FLNC: variants seen among roughly 807,000 people sequenced by gnomAD.
FLNC encodes filamin C, also known as filamin-C.
In FLNC, 91 loss-of-function variants were observed where a neutral mutation model predicts 254.3. The observed-to-expected ratio is 0.36, with a 90% CI of 0.30 to 0.43. The LOEUF (loss-of-function observed/expected upper bound fraction) is 0.43, where lower values mean the gene tolerates loss of function less well. Ranked by LOEUF, FLNC falls within the 20% of genes least tolerant of loss-of-function variation. The probability of loss-of-function intolerance (pLI) is 1.00; values close to 1 mark genes in which losing one functional copy is unlikely to be tolerated. For synonymous variants in FLNC, 1,430 were observed against 1,577.2 expected, an observed-to-expected ratio of 0.91 and a Z score of 2.21; for missense variants, 2,853 against 3,802.6, an observed-to-expected ratio of 0.75 and a Z score of 6.57.
intron 22 of FLNC, 44 bp from the exon 23 acceptor site, chr7:128,846,257 G>A: frequency 1.9e-6 from 3 of 1,612,856 alleles, no homozygotes; most frequent in South Asian, 2.2e-5. Context: ...AGGGGTGGTG[G>A]GGGCGCACAC....
chr7:128,840,209 G>A (rs745556227), intron 9 of FLNC, 49 bp downstream of exon 9: 10 of 1,605,772 alleles, frequency 6.2e-6, no homozygotes, highest in East Asian at 2.2e-5. Flanking sequence ...GGGATCATAA[G>A]GGAAGTATGG....
intron 16 of FLNC, 45 bp from the exon 17 acceptor site, chr7:128,843,184 G>T: frequency 6.6e-7 from 1 of 1,518,816 alleles, no homozygotes; most frequent in East Asian, 2.4e-5. Flanking sequence ...GAGAGCAGGG[G>T]TGTGTTCCCC....
At chr7:128,839,121 C>T (rs1249451486) in intron 8 of FLNC, among the ~76,000 whole-genome samples, 8 of 152,236 alleles carry the variant, frequency 5.3e-5, no homozygotes, top group Admixed American at 2.6e-4. Flanking sequence ...CAGTGCCCAT[C>T]GTCCACCAGG....
chr7:128,841,437 T>C lies in FLNC; in HGVS notation c.2008-17T>C. The C allele has an allele frequency of 6.2e-7, 1 of 1,613,674 alleles. No homozygotes were observed. The highest frequency in any genetic ancestry group is 8.5e-7 in the Non-Finnish European group (1 of 1,179,612). On this transcript the variant is annotated splice_polypyrimidine_tract_variant and intron_variant, in intron 12 of 47. Coordinates refer to ENST00000325888, the MANE Select transcript of FLNC (RefSeq NM_001458.5). This position sits in a 1 kb window ranked among gnomAD's most constrained non-coding sequence, Gnocchi z 4.3. ...TTCTCCTCCCCTCCCCAACTCAGCC[T>C]TCTTCCCTCCGCACAGGTGAAGGCC...
Position 128,850,045 on chromosome 7 carries a change from C to T in FLNC, c.5269C>T (p.Pro1757Ser). 6.5e-7 allele frequency: 1 copy of T among 1,548,926 alleles called. No homozygotes were observed. The highest frequency in any genetic ancestry group is 8.7e-7 in the Non-Finnish European group (1 of 1,152,824). Residue 1757 changes from proline to serine, a missense_variant, in exon 31 of 48, where the codon CCC becomes TCC. Pro to Ser is a moderately conservative substitution (Grantham distance 74). Coordinates refer to ENST00000325888, the MANE Select transcript of FLNC (RefSeq NM_001458.5). ...VPQLRQPYAP[P>S]RPGARPTHWA... ...ACAGCTGCGCCAGCCCTACGCTCCT[C>T]CCCGGCCCGGCGCCCGCCCCACACA...
At chr7:128,853,119 C>T in intron 37 of FLNC, 88 bp downstream of exon 37, 6 of 1,309,594 alleles carry the variant, frequency 4.6e-6, no homozygotes, top group Non-Finnish European at 6.5e-6. Flanking sequence ...CTTGGCCGCA[C>T]TCTCTCCTCC....
chr7:128,854,097 G>A lies in FLNC; in HGVS notation c.6608G>A (p.Arg2203His), dbSNP rs1063262. ...AAGACGCGGGGCGGGGAGACAAAGC[G>A]CGAGGTGCGGGTGGAGGAGTCCACC... is the stretch of plus-strand genomic sequence containing the variant. ...ISKTRGGETK[R>H]EVRVEESTQV... is the part of the protein sequence containing the mutation. The change falls in exon 40 of 48, where the codon CGC becomes CAC. Residue 2203 changes from arginine to histidine, a missense_variant. Arg to His is a conservative substitution (Grantham distance 29). Transcript: ENST00000325888. 1.7e-5 allele frequency: 28 copies of A among 1,612,908 alleles called. No individual in the cohort carries two copies. Among genetic ancestry groups the A allele is most frequent in the Admixed American group, 1.7e-5 (1 of 60,002 alleles).
rs774389254 is a variant in FLNC at position 128,838,075 on chromosome 7, C to G, written c.1047+11C>G. On this transcript the variant is annotated intron_variant, in intron 6 of 47. Coordinates refer to ENST00000325888, the MANE Select transcript of FLNC (RefSeq NM_001458.5). Reference sequence around the variant, plus strand: ...GCTGGGTTACACAAGGTATCTCCCTCTAGGCCCCCCTGCCTGCGCTGCTCT... The same window carrying G: ...GCTGGGTTACACAAGGTATCTCCCTGTAGGCCCCCCTGCCTGCGCTGCTCT... 6 of 1,608,418 alleles carry G rather than the reference C, an allele frequency of 3.7e-6. No individual in the cohort carries two copies. The highest frequency in any genetic ancestry group is 1.1e-5 in the South Asian group (1 of 90,950).
intron 1 of FLNC, among the ~76,000 whole-genome samples, chr7:128,831,835 G>C (rs957044934): frequency 6.6e-6 from 1 of 152,096 alleles, no homozygotes; most frequent in Non-Finnish European, 1.5e-5. Flanking sequence ...CTCTAGTCTT[G>C]GGAGCAGAGA....
In FLNC at chr7:128,841,506, C is replaced by G; in HGVS notation, c.2060C>G (p.Pro687Arg). 1 of 1,614,190 alleles carries G rather than the reference C, an allele frequency of 6.2e-7. No homozygotes were observed. The highest frequency in any genetic ancestry group is 8.5e-7 in the Non-Finnish European group (1 of 1,180,020). The stretch of plus-strand genomic sequence containing the variant: ...CCTACCGGCTGCATCGTGGACAAGC[C>G]CGCTGAGTTCACCATTGATGCTCGT... Reference protein sequence around the residue: ...LEPTGCIVDKPAEFTIDARAA... With the variant: ...LEPTGCIVDKRAEFTIDARAA... The change falls in exon 13 of 48, where the codon CCC (proline) becomes CGC (arginine). Residue 687 changes from proline to arginine, a missense_variant. Pro to Arg is a moderately radical substitution (Grantham distance 103). Coordinates refer to ENST00000325888, the MANE Select transcript of FLNC (RefSeq NM_001458.5). The surrounding 1 kb of genome is among the most constrained non-coding windows in gnomAD (Gnocchi z 4.3).
intron 1 of FLNC, among the ~76,000 whole-genome samples, chr7:128,832,930 G>C (rs1414983941): frequency 6.6e-6 from 1 of 152,208 alleles, no homozygotes; most frequent in Non-Finnish European, 1.5e-5. Flanking sequence ...GTGGTGGAAA[G>C]GGGCTATCCA....
Position 128,835,582 on chromosome 7 carries a change from G to C in FLNC, c.601+8G>C, listed in dbSNP as rs752866699. The C allele has an allele frequency of 1.2e-6, 2 of 1,612,812 alleles. No individual in the cohort carries two copies. Among genetic ancestry groups the C allele is most frequent in the South Asian group, 2.2e-5 (2 of 91,078 alleles). ...TGGACAACTGCGCCCCCGGTGAGTGGGCCAGTGAGCACAGCATGGAGCCCT... is the reference window on the plus strand; with the variant it reads ...TGGACAACTGCGCCCCCGGTGAGTGCGCCAGTGAGCACAGCATGGAGCCCT... On this transcript the variant is annotated splice_region_variant and intron_variant, in intron 2 of 47. Transcript: ENST00000325888. This position sits in a 1 kb window ranked among gnomAD's most constrained non-coding sequence, Gnocchi z 5.3.
chr7:128,847,061 G>A (rs967519754), intron 24 of FLNC, among the ~76,000 whole-genome samples, 156 bp downstream of exon 24: 8 of 152,270 alleles, frequency 5.3e-5, no homozygotes, highest in Non-Finnish European at 7.3e-5. Flanking sequence ...GAGGGAGGAC[G>A]TGGAGGAGGC....
Position 128,836,617 on chromosome 7 carries a change from C to T in FLNC, c.602-543C>T, listed in dbSNP as rs1285114547. On this transcript the variant is annotated intron_variant, in intron 2 of 47. Coordinates refer to ENST00000325888, the MANE Select transcript of FLNC (RefSeq NM_001458.5). The surrounding 1 kb of genome is among the most constrained non-coding windows in gnomAD (Gnocchi z 6.0). ...GCTGCAGAGGAGAAGTCATTCTCTC[C>T]TCACAGGCCCTTTAATGCCTCAGTT... Among the ~76,000 whole-genome samples, 3 of 152,222 alleles carry T rather than the reference C, an allele frequency of 2.0e-5. No individual in the cohort carries two copies. Among genetic ancestry groups the T allele is most frequent in the Admixed American group, 2.0e-4 (3 of 15,284 alleles).
chr7:128,844,415 T>A (rs1808469782), intron 20 of FLNC, 149 bp downstream of exon 20: 3 of 1,054,960 alleles, frequency 2.8e-6, no homozygotes, highest in Non-Finnish European at 2.7e-6. Context: ...CCCCACCACC[T>A]GCCTTGGAGA....
chr7:128,848,155 C>T lies in FLNC; in HGVS notation c.4580+87C>T, dbSNP rs1202108667. ...GCACTCAGGATCACTGCTGGAGTCC[C>T]CTGGGAGAGCCTCTCCCAGCTCTCA... is the stretch of plus-strand genomic sequence containing the variant. On this transcript the variant is annotated intron_variant, in intron 26 of 47. Transcript: ENST00000325888. 2.7e-6 allele frequency: 4 copies of T among 1,460,830 alleles called. No homozygotes were observed. The South Asian group carries it at 3.7e-5, about 13-fold the overall frequency. 90.5% of individuals were successfully genotyped at this position (1,460,830 alleles called of 1,614,324 possible). A position where few individuals can be genotyped will look rare whatever the true frequency, so the allele number is the denominator to read the frequency against.
At chr7:128,847,629 G>C in intron 24 of FLNC, 68 bp from the exon 25 acceptor site, 12 of 1,595,062 alleles carry the variant, frequency 7.5e-6, no homozygotes, top group Non-Finnish European at 1.0e-5. Context: ...CTCCTCCTCC[G>C]AGGCTCCTCA....
Position 128,858,724 on chromosome 7 carries a change from A to G in FLNC, c.*201A>G, listed in dbSNP as rs1253794582. ...GTTGGAGGACCTTGTCTGTGTCAGG[A>G]CAGTGTCCCTCCCTGGGAATGTGAC... On this transcript the variant is annotated 3_prime_UTR_variant, in exon 48 of 48. Transcript: ENST00000325888. This position sits in a 1 kb window ranked among gnomAD's most constrained non-coding sequence, Gnocchi z 6.7. 2 of 603,228 alleles carry G rather than the reference A, an allele frequency of 3.3e-6. No homozygotes were observed. Among genetic ancestry groups the G allele is most frequent in the Non-Finnish European group, 6.0e-6 (2 of 336,110 alleles). 37.4% of individuals were successfully genotyped at this position (603,228 alleles called of 1,614,324 possible).
chr7:128,835,440 C>A lies in FLNC; in HGVS notation c.467C>A (p.Ala156Asp). The A allele has an allele frequency of 6.2e-7, 1 of 1,614,086 alleles. No homozygotes were observed. The highest frequency in any genetic ancestry group is 8.5e-7 in the Non-Finnish European group (1 of 1,180,036). The change falls in exon 2 of 48, where the codon GCC (alanine) becomes GAC (aspartate). Residue 156 changes from alanine (A) to aspartate (D), a missense_variant. By Grantham distance (126) the Ala-to-Asp change is moderately radical. Around this residue, in one of 10 missense-constraint regions of FLNC, gnomAD observed 115 missense variants for 230.3 expected, o/e 0.50. Coordinates refer to ENST00000325888, the MANE Select transcript of FLNC (RefSeq NM_001458.5). The surrounding 1 kb of genome is among the most constrained non-coding windows in gnomAD (Gnocchi z 5.3). ...TGGGAGGATGAAGATGATGAGGATGCCCGCAAACAGACGCCCAAGCAGCGG... is the reference window on the plus strand; with the variant it reads ...TGGGAGGATGAAGATGATGAGGATGACCGCAAACAGACGCCCAAGCAGCGG... ...PMWEDEDDED[A>D]RKQTPKQRLL...
Sources: gnomAD v4.1 joint callset for allele counts (sites outside exome capture counted in the v4.1 genomes callset) on GRCh38, gnomAD v4.1.1 for gene constraint, gnomAD v4.1.1 regional missense constraint, Gnocchi (gnomAD v3.1) non-coding constraint, MANE v1.5 for transcripts, NCBI Gene and HGNC (gene_info 2026-07-23, HGNC 2026-07-21) for gene names.